Variants in MSRA observed in about 807,000 individuals in gnomAD.
MSRA encodes mitochondrial peptide methionine sulfoxide reductase.
In MSRA, 54 loss-of-function variants were observed where a neutral mutation model predicts 31.3. The ratio of observed to expected loss-of-function variants is 1.73; its 90% CI spans 1.39 to 2.17. The LOEUF (loss-of-function observed/expected upper bound fraction) is 2.17, where lower values mean the gene tolerates loss of function less well. Among genes scored for constraint, MSRA ranks in the 30% most tolerant of loss-of-function variants. The pLI, the probability that MSRA is intolerant of heterozygous loss-of-function variation, is 0.00. For synonymous variants in MSRA, 169 were observed against 116.5 expected, an observed-to-expected ratio of 1.45 and a Z score of -2.90; for missense variants, 507 against 300.9, an observed-to-expected ratio of 1.69 and a Z score of -5.07.
intron 1 of MSRA, among the ~76,000 whole-genome samples, chr8:10,191,499 A>G (rs1209537059): frequency 6.6e-6 from 1 of 152,250 alleles, no homozygotes; most frequent in Admixed American, 6.5e-5. Flanking sequence ...GATAATGCAA[A>G]TGAATAAAAA....
intron 3 of MSRA, among the ~76,000 whole-genome samples, chr8:10,297,749 T>G (rs943898262): frequency 5.9e-5 from 9 of 152,228 alleles, no homozygotes; most frequent in Non-Finnish European, 1.2e-4. Flanking sequence ...AGTAGTTTCT[T>G]TTAAACAACC....
At chr8:10,145,263 T>C (rs532535302) in intron 1 of MSRA, among the ~76,000 whole-genome samples, 13 of 152,132 alleles carry the variant, frequency 8.5e-5, no homozygotes, top group South Asian at 2.1e-4. Flanking sequence ...AGACAAACAA[T>C]AGGAATAAAA....
At chr8:10,193,766 C>G (rs549274823) in intron 1 of MSRA, among the ~76,000 whole-genome samples, 1 of 152,150 alleles carries the variant, frequency 6.6e-6, no homozygotes, top group Non-Finnish European at 1.5e-5. Flanking sequence ...TATCCAACTT[C>G]CCTTAATTAG....
At chr8:10,277,390 G>A (rs1459715207) in intron 3 of MSRA, among the ~76,000 whole-genome samples, 1 of 152,094 alleles carries the variant, frequency 6.6e-6, no homozygotes, top group Non-Finnish European at 1.5e-5. Context: ...TGTTTTCTTG[G>A]GAAGGTCACT....
rs185147320 is a variant in MSRA, at chr8:10,289,794, T to C, written c.332-11740T>C. Among the ~76,000 whole-genome samples, 16 of 152,314 alleles carry C rather than the reference T, an allele frequency of 1.1e-4. No homozygotes were observed. In the East Asian group the frequency reaches 2.9e-3, roughly 28 times the overall value. On this transcript the variant is annotated intron_variant, in intron 3 of 5. Coordinates refer to ENST00000317173, the MANE Select transcript of MSRA (RefSeq NM_012331.5). The stretch of plus-strand genomic sequence containing the variant: ...GCTTGACAACTTACCCAGAGAAACC[T>C]GTCTTTGCTTGGAGAGCCGTCCATG...
intron 1 of MSRA, among the ~76,000 whole-genome samples, chr8:10,066,151 G>A (rs1797445402): frequency 6.6e-6 from 1 of 152,086 alleles, no homozygotes; most frequent in African/African-American, 2.4e-5. Flanking sequence ...AGCCTCTTGA[G>A]TAGCTGGGAT....
chr8:10,098,657 T>C (rs181235198), intron 1 of MSRA, among the ~76,000 whole-genome samples: 1 of 152,320 alleles, frequency 6.6e-6, no homozygotes, highest in African/African-American at 2.4e-5. Flanking sequence ...TATTGTAGAG[T>C]GTGATTATAA....
At chr8:10,252,908 G>A (rs1407564973) in intron 3 of MSRA, among the ~76,000 whole-genome samples, 1 of 152,160 alleles carries the variant, frequency 6.6e-6, no homozygotes, top group Non-Finnish European at 1.5e-5. Flanking sequence ...GGGTTCTCTG[G>A]CAGTATCTAG....
intron 3 of MSRA, among the ~76,000 whole-genome samples, chr8:10,291,637 G>A (rs756440777): frequency 2.6e-5 from 4 of 152,028 alleles, no homozygotes; most frequent in South Asian, 2.1e-4. Flanking sequence ...TTTGAATCTC[G>A]TGTGGGAAAA....
At chr8:10,235,421 A>G (rs1452003500) in intron 2 of MSRA, among the ~76,000 whole-genome samples, 1 of 152,172 alleles carries the variant, frequency 6.6e-6, no homozygotes, top group Non-Finnish European at 1.5e-5. Flanking sequence ...AGAGGTTAAA[A>G]ACATGTATTA....
chr8:10,364,112 C>G (rs1219283489), intron 5 of MSRA, among the ~76,000 whole-genome samples: 1 of 152,172 alleles, frequency 6.6e-6, no homozygotes, highest in Non-Finnish European at 1.5e-5. Flanking sequence ...GCTCATTACT[C>G]AAGGTCCAGA....
At chr8:10,062,433 C>T (rs1343277642) in intron 1 of MSRA, among the ~76,000 whole-genome samples, 4 of 152,152 alleles carry the variant, frequency 2.6e-5, no homozygotes, top group South Asian at 2.1e-4. Context: ...CAATATTCAT[C>T]GATATGTAGC....
At chr8:10,356,058 C>A (rs1006630547) in intron 5 of MSRA, among the ~76,000 whole-genome samples, 2 of 152,098 alleles carry the variant, frequency 1.3e-5, no homozygotes, top group African/African-American at 4.8e-5. Context: ...ACCTGAAGGC[C>A]CTTCATGTAT....
chr8:10,307,929 A>T (rs11782868), intron 4 of MSRA, among the ~76,000 whole-genome samples: 1 of 152,088 alleles, frequency 6.6e-6, no homozygotes, highest in Admixed American at 6.5e-5. Context: ...AATTCTGACT[A>T]TGGGGGCCTT....
intron 1 of MSRA, among the ~76,000 whole-genome samples, chr8:10,194,321 C>T (rs559696878): frequency 6.6e-6 from 1 of 152,328 alleles, no homozygotes; most frequent in East Asian, 1.9e-4. Flanking sequence ...AATCCCAGCA[C>T]TTTGGGAAGC....
At chr8:10,223,159 G>T (rs1052017408) in intron 2 of MSRA, among the ~76,000 whole-genome samples, 2 of 152,126 alleles carry the variant, frequency 1.3e-5, no homozygotes, top group Non-Finnish European at 2.9e-5. Flanking sequence ...GAGTATTTAG[G>T]TATTACTATT....
At chr8:10,069,750 A>G (rs1230001655) in intron 1 of MSRA, among the ~76,000 whole-genome samples, 1 of 152,212 alleles carries the variant, frequency 6.6e-6, no homozygotes, top group Non-Finnish European at 1.5e-5. Flanking sequence ...TCACACTGGG[A>G]ATTCAATTTC....
At chr8:10,200,115 C>G (rs1222099409) in intron 1 of MSRA, among the ~76,000 whole-genome samples, 1 of 152,142 alleles carries the variant, frequency 6.6e-6, no homozygotes, top group African/African-American at 2.4e-5. Flanking sequence ...GTTGCCTGAG[C>G]TGGGCATCGG....
chr8:10,203,490 T>C (rs1368593920), intron 1 of MSRA, among the ~76,000 whole-genome samples: 1 of 152,236 alleles, frequency 6.6e-6, no homozygotes, highest in African/African-American at 2.4e-5. Context: ...ATAGTGGAAC[T>C]GAAAGATTTT....
Sources: allele counts gnomAD v4.1 joint callset (sites outside exome capture counted in the v4.1 genomes callset), GRCh38; gene constraint gnomAD v4.1.1; transcripts MANE v1.5; gene names NCBI Gene and HGNC (gene_info 2026-07-23, HGNC 2026-07-21).